ADAMTS20: variants seen among roughly 807,000 people sequenced by gnomAD.
ADAMTS20 encodes A disintegrin and metalloproteinase with thrombospondin motifs 20.
In ADAMTS20, 225 loss-of-function variants were observed where a neutral mutation model predicts 260.1. That is an observed-to-expected ratio of 0.87 (90% CI 0.78 to 0.97). ADAMTS20 has a LOEUF of 0.97. ADAMTS20 is among the 50% of genes least tolerant of loss of function. ADAMTS20 has a pLI of 0.00. For missense variants in ADAMTS20, 2,400 were observed against 2,337.7 expected (o/e 1.03, Z -0.55); for synonymous variants, 802 against 769.5 (o/e 1.04, Z -0.70).
chr12:43,454,477 T>C (rs1008684014), intron 11 of ADAMTS20, among the ~76,000 whole-genome samples: 1 of 152,228 alleles, frequency 6.6e-6, no homozygotes, highest in African/African-American at 2.4e-5. Flanking sequence ...GACAACCTTG[T>C]TCCTTTACTT....
chr12:43,452,244 A>C (rs1400136326), intron 14 of ADAMTS20, 30 bp downstream of exon 14: 2 of 1,563,886 alleles, frequency 1.3e-6, no homozygotes, highest in Non-Finnish European at 1.7e-6. Context: ...AAGTCACTTT[A>C]AATCTAATAG....
intron 19 of ADAMTS20, among the ~76,000 whole-genome samples, chr12:43,433,292 G>A (rs992598148): frequency 1.3e-5 from 2 of 152,130 alleles, no homozygotes; most frequent in Admixed American, 6.5e-5. Flanking sequence ...ATTTAGACAT[G>A]TTTCCAGGTA....
chr12:43,398,989 G>T, intron 29 of ADAMTS20, 77 bp downstream of exon 29: 1 of 1,017,052 alleles, frequency 9.8e-7, no homozygotes, highest in Non-Finnish European at 1.3e-6. Context: ...AACATTCAAG[G>T]TTATGAAAAA....
At chr12:43,534,319 A>G (rs1031258479) in intron 2 of ADAMTS20, among the ~76,000 whole-genome samples, 1 of 152,080 alleles carries the variant, frequency 6.6e-6, no homozygotes, top group Admixed American at 6.6e-5. Context: ...TGGGCGAAGG[A>G]CATGAGCAGA....
intron 2 of ADAMTS20, among the ~76,000 whole-genome samples, chr12:43,546,590 C>T (rs2137530316): frequency 6.6e-6 from 1 of 152,156 alleles, no homozygotes; most frequent in South Asian, 2.1e-4. Flanking sequence ...TCTCTAAATA[C>T]GTTGGCAAGA....
chr12:43,497,971 C>T (rs1942700938), intron 4 of ADAMTS20, among the ~76,000 whole-genome samples: 1 of 151,952 alleles, frequency 6.6e-6, no homozygotes, highest in Admixed American at 6.6e-5. Flanking sequence ...AATAAATATA[C>T]TGAAGAAAAA....
intron 26 of ADAMTS20, 115 bp downstream of exon 26, chr12:43,428,126 T>G: frequency 9.3e-7 from 1 of 1,070,766 alleles, no homozygotes; most frequent in Non-Finnish European, 1.3e-6. Context: ...TTTAAACTAT[T>G]GATCTTGAAA....
At chr12:43,412,302 G>C (rs558912460) in intron 28 of ADAMTS20, among the ~76,000 whole-genome samples, 3 of 152,320 alleles carry the variant, frequency 2.0e-5, no homozygotes, top group African/African-American at 4.8e-5. Flanking sequence ...CTTCAGTAGA[G>C]AGAAAATTCA....
At chr12:43,365,486 T>C (rs1161664125) in intron 37 of ADAMTS20, among the ~76,000 whole-genome samples, 2 of 151,978 alleles carry the variant, frequency 1.3e-5, no homozygotes, top group Non-Finnish European at 2.9e-5. Flanking sequence ...TTGACAATAA[T>C]GGCACAAATA....
chr12:43,517,217 C>T (rs1943011175), intron 3 of ADAMTS20, among the ~76,000 whole-genome samples: 2 of 151,494 alleles, frequency 1.3e-5, no homozygotes, highest in South Asian at 4.2e-4. Context: ...GCCAACGTAA[C>T]AAAACAAGAA....
At position 43,383,844 on chromosome 12, in the gene ADAMTS20, T is replaced by C. The variant is rs1940410849; in HGVS notation, c.4586A>G (p.Asp1529Gly). Residue 1529 changes from aspartate (D) to glycine (G), a missense_variant, in exon 30 of 39, where the codon GAC becomes GGC. Asp to Gly is a moderately conservative substitution (Grantham distance 94). Coordinates refer to ENST00000389420, the MANE Select transcript of ADAMTS20 (RefSeq NM_025003.5). ...TTCCATCCCCTTGTGCTGCACACAGTCCTGACTCCAACATCGCCTCTGAGA... is the reference window on the plus strand; with the variant it reads ...TTCCATCCCCTTGTGCTGCACACAGCCCTGACTCCAACATCGCCTCTGAGA... ...PCSQRRCWSQ[D>G]CVQHKGMERG... is the part of the protein sequence containing the mutation. 2 of 1,613,946 alleles carry C rather than the reference T, an allele frequency of 1.2e-6. No individual in the cohort carries two copies. The highest frequency in any genetic ancestry group is 2.2e-5 in the South Asian group (2 of 91,080).
At chr12:43,388,979 C>T (rs897561095) in intron 29 of ADAMTS20, among the ~76,000 whole-genome samples, 1 of 152,130 alleles carries the variant, frequency 6.6e-6, no homozygotes, top group East Asian at 1.9e-4. Context: ...AGAAAAGGCC[C>T]CACCTCCTAA....
intron 4 of ADAMTS20, among the ~76,000 whole-genome samples, chr12:43,495,196 A>C (rs569552050): frequency 5.3e-5 from 8 of 152,214 alleles, no homozygotes; most frequent in Non-Finnish European, 5.9e-5. Context: ...TTGGAAAAAA[A>C]TTCCCAATAT....
At chr12:43,480,215 T>TATA (rs1428880260) in intron 7 of ADAMTS20, among the ~76,000 whole-genome samples, 1 of 152,128 alleles carries the variant, frequency 6.6e-6, no homozygotes, top group African/African-American at 2.4e-5. Context: ...AATGAAACCT[T>TATA]ATAATCAAAA....
chr12:43,393,155 T>C (rs919739026), intron 29 of ADAMTS20, among the ~76,000 whole-genome samples: 1 of 152,100 alleles, frequency 6.6e-6, no homozygotes, highest in Non-Finnish European at 1.5e-5. Context: ...AACACTATCA[T>C]CCACTCTTAA....
chr12:43,431,503 G>T lies in ADAMTS20; in HGVS notation c.3097-7C>A, dbSNP rs778517950. ...TACCACATGTAACAAGGCACTGTAA[G>T]AATAAAACTGATCATTATTTATTTG... On this transcript the variant is annotated splice_region_variant and splice_polypyrimidine_tract_variant and intron_variant, in intron 21 of 38. Coordinates refer to ENST00000389420, the MANE Select transcript of ADAMTS20 (RefSeq NM_025003.5). The T allele has an allele frequency of 6.2e-7, 1 of 1,613,676 alleles. No homozygotes were observed. Among genetic ancestry groups the T allele is most frequent in the South Asian group, 1.1e-5 (1 of 91,042 alleles).
intron 11 of ADAMTS20, among the ~76,000 whole-genome samples, chr12:43,455,221 C>G (rs1201617785): frequency 6.6e-6 from 1 of 151,948 alleles, no homozygotes; most frequent in Non-Finnish European, 1.5e-5. Flanking sequence ...TCAGAATTTT[C>G]TTATTAAAAA....
chr12:43,362,629 A>T (rs1939895756), intron 37 of ADAMTS20, among the ~76,000 whole-genome samples: 1 of 152,110 alleles, frequency 6.6e-6, no homozygotes, highest in Non-Finnish European at 1.5e-5. Flanking sequence ...CCACCACTTA[A>T]AGTCTCTGAA....
intron 7 of ADAMTS20, among the ~76,000 whole-genome samples, chr12:43,471,104 A>T (rs909401756): frequency 6.6e-6 from 1 of 152,088 alleles, no homozygotes; most frequent in East Asian, 1.9e-4. Flanking sequence ...AGTGCCAGAC[A>T]GTGGGCGCAG....
Sources: allele counts gnomAD v4.1 joint callset (sites outside exome capture counted in the v4.1 genomes callset), GRCh38; gene constraint gnomAD v4.1.1; transcripts MANE v1.5; gene names NCBI Gene and HGNC (gene_info 2026-07-23, HGNC 2026-07-21).